The following DEFB110 variants were observed in gnomAD, a reference collection of about 807,000 sequenced individuals.
The protein encoded by DEFB110 is defensin beta 110.
In DEFB110, 4 loss-of-function variants were observed where a neutral mutation model predicts 2.5. The ratio of observed to expected loss-of-function variants is 1.60; its 90% CI spans 0.79 to 3.66. DEFB110 has a LOEUF of 3.66. Ranked by LOEUF, DEFB110 falls within the 30% of genes most tolerant of loss-of-function variation. The pLI, the probability that DEFB110 is intolerant of heterozygous loss-of-function variation, is 0.01. For missense variants in DEFB110, 94 were observed against 75.4 expected (o/e 1.25, Z -0.91); for synonymous variants, 29 against 21.8 (o/e 1.33, Z -0.92).
At chr6:50,019,740 C>T (rs1561992672) in intron 1 of DEFB110, among the ~76,000 whole-genome samples, 2 of 151,072 alleles carry the variant, frequency 1.3e-5, no homozygotes, top group East Asian at 3.9e-4. Flanking sequence ...CCAGTGATAC[C>T]TTTTTTTTTC....
At chr6:50,016,239 T>G (rs1774313786), downstream of DEFB110, among the ~76,000 whole-genome samples, 1 of 151,854 alleles carries the variant, frequency 6.6e-6, no homozygotes, top group African/African-American at 2.4e-5. Context: ...ATAAATCTAA[T>G]TTCAATATAA....
chr6:50,018,749 GC>G, downstream of DEFB110: 1 of 1,139,116 alleles, frequency 8.8e-7, no homozygotes, highest in East Asian at 3.7e-5. Flanking sequence ...TGAGGAACTT[GC>G]ATAAAATAAG....
chr6:50,019,740 C>CT (rs34603092), intron 1 of DEFB110, among the ~76,000 whole-genome samples: 4,225 of 151,164 alleles, frequency 0.028, 121 homozygotes, highest in African/African-American at 0.064. Context: ...CCAGTGATAC[C>CT]TTTTTTTTTC....
At chr6:50,009,709 T>C (rs1355917734) in intron 1 of DEFB110, among the ~76,000 whole-genome samples, 3 of 152,164 alleles carry the variant, frequency 2.0e-5, no homozygotes, top group Non-Finnish European at 4.4e-5. Context: ...ATAGTAATCA[T>C]AGAGAAACTA....
intron 1 of DEFB110, among the ~76,000 whole-genome samples, chr6:50,011,102 G>T (rs1457864656): frequency 2.6e-5 from 4 of 151,548 alleles, no homozygotes; most frequent in Admixed American, 6.6e-5. Context: ...GGTTTGCCAT[G>T]TGTAAATTAT....
chr6:50,018,093 A>C (rs1369102561), downstream of DEFB110, among the ~76,000 whole-genome samples: 1 of 151,944 alleles, frequency 6.6e-6, no homozygotes, highest in Non-Finnish European at 1.5e-5. Flanking sequence ...GCTCTTCTAA[A>C]TGGAAAACAA....
Position 50,018,939 on chromosome 6 carries a change from C to T in DEFB110, c.*38G>A. ...TGGGAAAACTTAATAACGCTGGTCTCTCTTCTTGGAGCTTGTGACTCTTTT... is the reference window on the plus strand; with the variant it reads ...TGGGAAAACTTAATAACGCTGGTCTTTCTTCTTGGAGCTTGTGACTCTTTT... On this transcript the variant is annotated 3_prime_UTR_variant, in exon 2 of 2. Transcript: ENST00000371148. 6.3e-7 allele frequency: 1 copy of T among 1,587,866 alleles called. No homozygotes were observed. Among genetic ancestry groups the T allele is most frequent in the African/African-American group, 1.3e-5 (1 of 74,112 alleles).
chr6:50,017,166 C>T (rs191961586), downstream of DEFB110, among the ~76,000 whole-genome samples: 381 of 151,760 alleles, frequency 2.5e-3, 1 homozygote, highest in South Asian at 0.011. Context: ...TTTTTCTTGA[C>T]GTAGCTAATA....
At chr6:50,012,566 G>T (rs1163923797) in intron 1 of DEFB110, among the ~76,000 whole-genome samples, 5 of 151,854 alleles carry the variant, frequency 3.3e-5, no homozygotes, top group Non-Finnish European at 4.4e-5. Flanking sequence ...ACTTCAGAGG[G>T]TTGTGTGGCA....
Position 50,018,910 on chromosome 6 carries a change from G to T in DEFB110, c.*67C>A. ...TAGAGACACACACGCCTTGAAGGAT[G>T]TGCTGGGAAAACTTAATAACGCTGG... is the stretch of plus-strand genomic sequence containing the variant. On this transcript the variant is annotated 3_prime_UTR_variant, in exon 2 of 2. Transcript: ENST00000371148. The T allele has an allele frequency of 2.6e-6, 4 of 1,533,502 alleles. No individual in the cohort carries two copies. Among genetic ancestry groups the T allele is most frequent in the Non-Finnish European group, 3.5e-6 (4 of 1,145,268 alleles). The allele number at this position is 1,533,502 out of a possible 1,614,324, so 95.0% of individuals were successfully genotyped here. A position where few individuals can be genotyped will look rare whatever the true frequency, so the allele number is the denominator to read the frequency against.
At chr6:50,010,632 T>TATA (rs70974504) in intron 1 of DEFB110, among the ~76,000 whole-genome samples, 1 of 150,820 alleles carries the variant, frequency 6.6e-6, no homozygotes, top group Non-Finnish European at 1.5e-5. Context: ...TATATATATA[T>TATA]TTTTTTAGTG....
Position 50,019,128 on chromosome 6 carries a change from G to T in DEFB110, c.56-3C>A, listed in dbSNP as rs768339031. On this transcript the variant is annotated splice_polypyrimidine_tract_variant and splice_region_variant and intron_variant, in intron 1 of 1. Transcript: ENST00000371148. ...ATACTCAGGATATTTCTTTTTGGCTGTAAGAAGGGAAGAATGACTAAAATT... is the reference window on the plus strand; with the variant it reads ...ATACTCAGGATATTTCTTTTTGGCTTTAAGAAGGGAAGAATGACTAAAATT... The T allele has an allele frequency of 6.2e-7, 1 of 1,610,298 alleles. No homozygotes were observed. The highest frequency in any genetic ancestry group is 1.7e-5 in the Admixed American group (1 of 59,498).
downstream of DEFB110, among the ~76,000 whole-genome samples, chr6:50,018,615 C>T (rs1774358420): frequency 6.6e-6 from 1 of 151,902 alleles, no homozygotes; most frequent in African/African-American, 2.4e-5. Flanking sequence ...CCACTGGAAG[C>T]TTGTATTTTA....
At chr6:50,018,716 T>C, downstream of DEFB110, 1 of 857,180 alleles carries the variant, frequency 1.2e-6, no homozygotes, top group Non-Finnish European at 1.5e-6. Context: ...GTGGAACTTG[T>C]GGAACATGAA....
At chr6:50,014,833 G>T (rs192769430), downstream of DEFB110, among the ~76,000 whole-genome samples, 3 of 151,670 alleles carry the variant, frequency 2.0e-5, no homozygotes, top group Non-Finnish European at 4.4e-5. Context: ...TACCCCTCCT[G>T]CTTATGAATG....
At chr6:50,021,830 A>C (rs922983495) in intron 1 of DEFB110, 51 bp downstream of exon 1, 1 of 1,477,630 alleles carries the variant, frequency 6.8e-7, no homozygotes, top group African/African-American at 1.5e-5. Context: ...GAAACAACTT[A>C]TGTCTTCTCA....
downstream of DEFB110, among the ~76,000 whole-genome samples, chr6:50,018,448 T>G (rs1179026019): frequency 6.6e-6 from 1 of 152,012 alleles, no homozygotes; most frequent in Admixed American, 6.6e-5. Context: ...TCTTCTCTGG[T>G]CTTCCATTCT....
At chr6:50,019,458 C>A (rs74567745) in intron 1 of DEFB110, among the ~76,000 whole-genome samples, 4,308 of 152,134 alleles carry the variant, frequency 0.028, 83 homozygotes, top group Non-Finnish European at 0.044. Context: ...TTTGAGCTGC[C>A]TGTTCTCTGC....
chr6:50,013,410 T>C (rs766033981), intron 1 of DEFB110, among the ~76,000 whole-genome samples: 1 of 151,810 alleles, frequency 6.6e-6, no homozygotes, highest in East Asian at 1.9e-4. Flanking sequence ...TTTAGCACAA[T>C]AGAAATTATA....
Sources: allele counts gnomAD v4.1 joint callset (sites outside exome capture counted in the v4.1 genomes callset), GRCh38; gene constraint gnomAD v4.1.1; transcripts MANE v1.5; gene names NCBI Gene and HGNC (gene_info 2026-07-23, HGNC 2026-07-21).